The following IL12B variants were observed in gnomAD, a reference collection of about 807,000 sequenced individuals.
IL12B encodes interleukin 12B.
IL12B carries 27 observed loss-of-function variants against 39.2 expected under a neutral mutation model. The observed-to-expected ratio is 0.69, with a 90% CI of 0.51 to 0.95. The LOEUF is 0.95. IL12B is among the 40% of genes least tolerant of loss of function. IL12B has a pLI of 0.00. For synonymous variants in IL12B, 142 were observed against 152.1 expected, an observed-to-expected ratio of 0.93 and a Z score of 0.49; for missense variants, 351 against 397.6, an observed-to-expected ratio of 0.88 and a Z score of 1.00.
At position 159,316,703 on chromosome 5, in the gene IL12B, T is replaced by C; in HGVS notation, c.969A>G (p.Ala323=). 1 of 1,613,516 alleles carries C rather than the reference T, an allele frequency of 6.2e-7. No homozygotes were observed. Among genetic ancestry groups the C allele is most frequent in the South Asian group, 1.1e-5 (1 of 90,888 alleles). ...TGCTCACCTAACTGCAGGGCACAGA[T>C]GCCCATTCGCTCCAAGATGAGCTAT... is the stretch of plus-strand genomic sequence containing the variant. ...RYYSSSWSEW[A]SVPCS The change falls in exon 7 of 8, where the codon GCA becomes GCG. Residue 323 remains alanine, a synonymous_variant. Coordinates refer to ENST00000231228, the MANE Select transcript of IL12B (RefSeq NM_002187.3).
chr5:159,320,212 T>A, intron 5 of IL12B, 94 bp downstream of exon 5: 1 of 1,058,762 alleles, frequency 9.4e-7, no homozygotes, highest in Non-Finnish European at 1.5e-6. Flanking sequence ...AGATGATGCT[T>A]GTCAACCACC....
chr5:159,328,621 GCA>G (rs926138048), intron 1 of IL12B, among the ~76,000 whole-genome samples: 102 of 152,336 alleles, frequency 6.7e-4, no homozygotes, highest in African/African-American at 2.4e-3. Flanking sequence ...AGGGAAATGT[GCA>G]CAGAGGTACT....
At chr5:159,316,848 CT>C in intron 6 of IL12B, 32 bp from the exon 7 acceptor site, 1 of 1,613,232 alleles carries the variant, frequency 6.2e-7, no homozygotes, top group African/African-American at 1.3e-5. Context: ...GTGAAGACCC[CT>C]TGGCAACATA....
At position 159,323,049 on chromosome 5, in the gene IL12B, A is replaced by C. The variant is rs1272265094; in HGVS notation, c.364+5T>G. The C allele has an allele frequency of 6.2e-7, 1 of 1,613,906 alleles. No individual in the cohort carries two copies. ...AATTGATACTATCCAAGGGTATAGA[A>C]TTACCTTTCTGGTCCTTTAAAATAT... On this transcript the variant is annotated splice_donor_5th_base_variant and intron_variant, in intron 3 of 7. Coordinates refer to ENST00000231228, the MANE Select transcript of IL12B (RefSeq NM_002187.3).
At chr5:159,319,341 A>G (rs1754046278) in intron 5 of IL12B, among the ~76,000 whole-genome samples, 1 of 152,150 alleles carries the variant, frequency 6.6e-6, no homozygotes, top group East Asian at 1.9e-4. Context: ...TTGTCTTTTC[A>G]TAGCTTTTGG....
Position 159,320,542 on chromosome 5 carries a change from A to C in IL12B, c.483-22T>G. ...AGAGCTGAAGTCAAAGACAGAAATT[A>C]GCCTGTGTTACACATTGGGGAGAGA... On this transcript the variant is annotated intron_variant, in intron 4 of 7. Coordinates refer to ENST00000231228, the MANE Select transcript of IL12B (RefSeq NM_002187.3). The C allele has an allele frequency of 3.1e-6, 5 of 1,597,000 alleles. No homozygotes were observed. The South Asian group carries it at 5.5e-5, about 18-fold the overall frequency.
At chr5:159,330,129 C>T (rs1754253620) in intron 1 of IL12B, among the ~76,000 whole-genome samples, 1 of 152,200 alleles carries the variant, frequency 6.6e-6, no homozygotes, top group Non-Finnish European at 1.5e-5. Flanking sequence ...TAGGAATATA[C>T]TTTTATACAT....
chr5:159,322,273 AC>A (rs1187850566), intron 4 of IL12B, 120 bp downstream of exon 4: 1 of 777,446 alleles, frequency 1.3e-6, no homozygotes, highest in Non-Finnish European at 2.3e-6. Flanking sequence ...GGTTGAAAAA[AC>A]ACGGGTTTGA....
intron 4 of IL12B, 83 bp downstream of exon 4, chr5:159,322,308 ACTG>A: frequency 1.1e-6 from 1 of 876,280 alleles, no homozygotes; most frequent in Non-Finnish European, 2.0e-6. Context: ...ATTATCATTA[ACTG>A]ATAGGTCACT....
chr5:159,316,734 C>T lies in IL12B; in HGVS notation c.938G>A (p.Arg313His), dbSNP rs377524637. Residue 313 changes from arginine (R) to histidine (H), a missense_variant, in exon 7 of 8, where the codon CGC becomes CAC. Transcript: ENST00000231228. ...TTCGCTCCAAGATGAGCTATAGTAG[C>T]GGTCCTGGGCCCGCACGCTAATGCT... ...NASISVRAQD[R>H]YYSSSWSEWA... The T allele has an allele frequency of 3.6e-5, 58 of 1,614,084 alleles. No individual in the cohort carries two copies. The highest frequency in any genetic ancestry group is 1.7e-4 in the Admixed American group (10 of 60,018).
Position 159,315,453 on chromosome 5 carries a change from G to C in IL12B, c.*648C>G, listed in dbSNP as rs534106315. 3.3e-5 allele frequency: 5 copies of C among 152,380 alleles called. No individual in the cohort carries two copies. The highest frequency in any genetic ancestry group is 2.1e-4 in the South Asian group (1 of 4,828). The allele number at this position is 152,380 out of a possible 1,614,324, so 9.4% of individuals were successfully genotyped here. The stretch of plus-strand genomic sequence containing the variant: ...CCCTTTTAAAATTCAGGCATCCAAA[G>C]ATTAAACTTGCTTAGAAGTGTAAGT... On this transcript the variant is annotated 3_prime_UTR_variant, in exon 8 of 8. Transcript: ENST00000231228.
chr5:159,324,980 G>T (rs550128986), intron 2 of IL12B, among the ~76,000 whole-genome samples: 33 of 148,308 alleles, frequency 2.2e-4, no homozygotes, highest in South Asian at 6.4e-4. Context: ...CTTTTTCTTG[G>T]TTTTTTTTTT....
At position 159,323,018 on chromosome 5, in the gene IL12B, A is replaced by G. The variant is rs370644357; in HGVS notation, c.364+36T>C. ...GTTGTTTTTAACTCTTATGAGCGAA[A>G]GAGAAAATTGATACTATCCAAGGGT... On this transcript the variant is annotated intron_variant, in intron 3 of 7. Transcript: ENST00000231228. 2.5e-5 allele frequency: 40 copies of G among 1,604,912 alleles called. No homozygotes were observed. The African/African-American group carries it at 5.4e-4, about 21-fold the overall frequency.
In IL12B at chr5:159,316,018, T is replaced by C. The variant is rs1458802118; in HGVS notation, c.*83A>G. On this transcript the variant is annotated 3_prime_UTR_variant, in exon 8 of 8. Transcript: ENST00000231228. ...AAAGCAAATCAGATAGAAATTATCT[T>C]TTTGGGTCTATTCCGTTGTGTCTTT... The C allele has an allele frequency of 6.6e-6, 1 of 152,548 alleles. No homozygotes were observed. Among genetic ancestry groups the C allele is most frequent in the Non-Finnish European group, 1.5e-5 (1 of 68,202 alleles). The allele number at this position is 152,548 out of a possible 1,614,324, so 9.4% of individuals were successfully genotyped here. A position where few individuals can be genotyped will look rare whatever the true frequency, so the allele number is the denominator to read the frequency against.
intron 2 of IL12B, 37 bp downstream of exon 2, chr5:159,326,658 G>A (rs1754195048): frequency 5.6e-6 from 8 of 1,437,474 alleles, no homozygotes; most frequent in Non-Finnish European, 7.9e-6. Flanking sequence ...TGGCTTAGAA[G>A]TGGGGCCTCC....
chr5:159,320,067 TG>T (rs56010741), intron 5 of IL12B, among the ~76,000 whole-genome samples: 215 of 152,328 alleles, frequency 1.4e-3, no homozygotes, highest in Non-Finnish European at 2.6e-3. Flanking sequence ...GGAGTGGATC[TG>T]GATTTGAACG....
intron 2 of IL12B, 93 bp downstream of exon 2, chr5:159,326,602 T>G: frequency 1.2e-6 from 1 of 848,156 alleles, no homozygotes. Flanking sequence ...CAGTGCATGG[T>G]TGCCCATTTC....
In IL12B at chr5:159,323,140, C is replaced by T. The variant is rs267600520; in HGVS notation, c.278G>A (p.Gly93Glu). 1 of 1,614,150 alleles carries T rather than the reference C, an allele frequency of 6.2e-7. No homozygotes were observed. ...GDAGQYTCHK[G>E]GEVLSHSLLL... ...GAGCGAATGGCTTAGAACCTCGCCT[C>T]CTTTGTGACAGGTGTACTGGCCAGC... The change falls in exon 3 of 8, where the codon GGA (glycine) becomes GAA (glutamate). Residue 93 changes from glycine (G) to glutamate (E), a missense_variant. Physicochemically the swap from Gly to Glu is moderately conservative, Grantham distance 98. Transcript: ENST00000231228.
At chr5:159,319,620 C>G (rs545209867) in intron 5 of IL12B, among the ~76,000 whole-genome samples, 68 of 152,354 alleles carry the variant, frequency 4.5e-4, no homozygotes, top group Non-Finnish European at 8.2e-4. Context: ...ACATATGCTT[C>G]CCTCTGCTCT....
Sources: allele counts gnomAD v4.1 joint callset (sites outside exome capture counted in the v4.1 genomes callset), GRCh38; gene constraint gnomAD v4.1.1; transcripts MANE v1.5; gene names NCBI Gene and HGNC (gene_info 2026-07-23, HGNC 2026-07-21).